SIM1: variants seen among roughly 807,000 people sequenced by gnomAD.
SIM1 encodes SIM bHLH transcription factor 1.
SIM1 carries 18 observed loss-of-function variants against 78.2 expected under a neutral mutation model. That is an observed-to-expected ratio of 0.23 (90% confidence interval 0.16 to 0.34). The LOEUF (loss-of-function observed/expected upper bound fraction) is 0.34. Ranked by LOEUF, SIM1 falls within the 10% of genes least tolerant of loss-of-function variation. The pLI, the probability that SIM1 is intolerant of heterozygous loss-of-function variation, is 1.00. For missense variants in SIM1, 939 were observed against 975.1 expected (o/e 0.96, Z 0.49); for synonymous variants, 417 against 385.2 (o/e 1.08, Z -0.97).
rs558338438 is a variant in SIM1, at chr6:100,435,721, G to A, written c.998+11547C>T. On this transcript the variant is annotated intron_variant, in intron 9 of 11. Transcript: ENST00000369208. ...TTTCAAAATGTAATACATCTGCAAA[G>A]ACTATTTTGAATCTAGAATTCTTTA... 2.6e-5 allele frequency among the ~76,000 whole-genome samples: 4 copies of A among 152,052 alleles called. No homozygotes were observed. In the South Asian group the frequency reaches 8.3e-4, roughly 32 times the overall value.
In SIM1 at chr6:100,431,766, T is replaced by A. The variant is rs866727667; in HGVS notation, c.999-10808A>T. On this transcript the variant is annotated intron_variant, in intron 9 of 11. Transcript: ENST00000369208. Reference sequence around the variant, plus strand: ...ATTTATAGGGCTTGAGAAAGTTCCCTGGCCATGACGAAGATGTCTCAATAG... The same window carrying A: ...ATTTATAGGGCTTGAGAAAGTTCCCAGGCCATGACGAAGATGTCTCAATAG... 2.6e-5 allele frequency among the ~76,000 whole-genome samples: 4 copies of A among 152,184 alleles called. No individual in the cohort carries two copies. The South Asian group carries it at 6.2e-4, about 24-fold the overall frequency.
chr6:100,430,062 T>G (rs1418739532), intron 9 of SIM1, among the ~76,000 whole-genome samples: 4 of 152,266 alleles, frequency 2.6e-5, no homozygotes, highest in African/African-American at 9.6e-5. Flanking sequence ...TAATTTAAAT[T>G]ATTACCATAA....
At chr6:100,425,180 C>G (rs1771694150) in intron 9 of SIM1, among the ~76,000 whole-genome samples, 1 of 152,196 alleles carries the variant, frequency 6.6e-6, no homozygotes, top group South Asian at 2.1e-4. Flanking sequence ...CACTGCCATA[C>G]AAGAAGTTCC....
At chr6:100,412,226 T>A in intron 10 of SIM1, among the ~76,000 whole-genome samples, 1 of 151,934 alleles carries the variant, frequency 6.6e-6, no homozygotes, top group East Asian at 1.9e-4. Context: ...GAAGATCAAA[T>A]GGGTGAAAGC....
chr6:100,440,042 G>A (rs757112321), intron 9 of SIM1, among the ~76,000 whole-genome samples: 15 of 152,186 alleles, frequency 9.9e-5, no homozygotes, highest in Non-Finnish European at 1.9e-4. Context: ...AGAAAGTCAA[G>A]TTAAGGAGAA....
Position 100,402,080 on chromosome 6 carries a change from A to G in SIM1, c.1168-8191T>C, listed in dbSNP as rs181776145. 2.6e-5 allele frequency among the ~76,000 whole-genome samples: 4 copies of G among 152,330 alleles called. No homozygotes were observed. The East Asian group carries it at 7.7e-4, about 29-fold the overall frequency. On this transcript the variant is annotated intron_variant, in intron 10 of 11. Transcript: ENST00000369208. ...CTTATAGGATTGCAGTAAGAATCAA[A>G]TAAATAATATGTATAACAGCACTAA...
intron 8 of SIM1, among the ~76,000 whole-genome samples, chr6:100,447,668 A>T (rs1001425270): frequency 6.6e-6 from 1 of 152,220 alleles, no homozygotes. Context: ...AAAGGGAGGA[A>T]CACTTAGAGT....
At chr6:100,394,637 T>G (rs1269095734) in intron 10 of SIM1, among the ~76,000 whole-genome samples, 1 of 152,100 alleles carries the variant, frequency 6.6e-6, no homozygotes, top group East Asian at 1.9e-4. Context: ...ACTCTGGAGT[T>G]CAAGCAATTC....
Position 100,413,067 on chromosome 6 carries a change from C to T in SIM1, c.1167+7723G>A, listed in dbSNP as rs140365988. Among the ~76,000 whole-genome samples the T allele has an allele frequency of 2.6e-3, 401 of 152,332 alleles. 1 individual carries two copies. Among genetic ancestry groups the T allele is most frequent in the African/African-American group, 9.2e-3 (381 of 41,578 alleles). ...CATTGCTGGAAGGGCAGGTCAACTC[C>T]CAACACATACCACCACCACCACAGA... is the stretch of plus-strand genomic sequence containing the variant. On this transcript the variant is annotated intron_variant, in intron 10 of 11. Coordinates refer to ENST00000369208, the MANE Select transcript of SIM1 (RefSeq NM_005068.3).
At chr6:100,418,150 A>G (rs241810) in intron 10 of SIM1, among the ~76,000 whole-genome samples, 134,158 of 151,992 alleles carry the variant, frequency 0.88, 59,293 homozygotes, top group African/African-American at 0.92. Context: ...GACCAGCCTG[A>G]GCAACAAAGT....
chr6:100,457,635 G>GA (rs143892488), intron 2 of SIM1, among the ~76,000 whole-genome samples: 1 of 152,288 alleles, frequency 6.6e-6, no homozygotes, highest in East Asian at 1.9e-4. Context: ...GCTCTTTAGA[G>GA]AAAAAAAGAG....
chr6:100,418,172 G>A (rs1771454650), intron 10 of SIM1, among the ~76,000 whole-genome samples: 1 of 151,788 alleles, frequency 6.6e-6, no homozygotes, highest in Non-Finnish European at 1.5e-5. Context: ...AGACTCCCAT[G>A]TCTACAAAAA....
chr6:100,462,978 A>G (rs920514452), intron 2 of SIM1: 1 of 253,904 alleles, frequency 3.9e-6, no homozygotes, highest in Non-Finnish European at 7.5e-6. Flanking sequence ...AAAGAAAGTC[A>G]TGTTTGGATT....
chr6:100,424,062 C>T (rs1300171111), intron 9 of SIM1, among the ~76,000 whole-genome samples: 3 of 130,254 alleles, frequency 2.3e-5, no homozygotes, highest in African/African-American at 8.4e-5. Context: ...TCAGACCCCA[C>T]CCCCCTCCCA....
At position 100,389,940 on chromosome 6, in the gene SIM1, G is replaced by GT; in HGVS notation, c.*420dup. ...TCAAAGAAAATTACCCATTTTTGATGTATTTACATTACATAGCCTATATTT... is the reference window on the plus strand; with the variant it reads ...TCAAAGAAAATTACCCATTTTTGATGTTATTTACATTACATAGCCTATATTT... On this transcript the variant is annotated 3_prime_UTR_variant, in exon 12 of 12. Transcript: ENST00000369208. The GT allele has an allele frequency of 2.6e-6, 1 of 391,368 alleles. No individual in the cohort carries two copies. The highest frequency in any genetic ancestry group is 3.6e-5 in the East Asian group (1 of 27,530). 24.2% of individuals were successfully genotyped at this position (391,368 alleles called of 1,614,324 possible).
intron 10 of SIM1, among the ~76,000 whole-genome samples, chr6:100,395,655 C>T (rs759700502): frequency 1.1e-4 from 16 of 152,156 alleles, no homozygotes; most frequent in Non-Finnish European, 2.1e-4. Flanking sequence ...TCCTAGGCTC[C>T]ACTGCTGTTC....
intron 10 of SIM1, among the ~76,000 whole-genome samples, chr6:100,420,031 G>A (rs377237582): frequency 2.5e-4 from 38 of 152,308 alleles, no homozygotes; most frequent in African/African-American, 8.4e-4. Context: ...TAAAAGAGAA[G>A]GTTGGAGGTG....
chr6:100,422,730 G>A (rs373468356), intron 9 of SIM1, among the ~76,000 whole-genome samples: 1 of 151,954 alleles, frequency 6.6e-6, no homozygotes, highest in African/African-American at 2.4e-5. Flanking sequence ...AATATATGAG[G>A]TAATGCACAT....
At chr6:100,391,208 T>C (rs969597545) in intron 11 of SIM1, 117 bp from the exon 12 acceptor site, 8 of 1,112,796 alleles carry the variant, frequency 7.2e-6, no homozygotes, top group Non-Finnish European at 8.6e-6. Flanking sequence ...TATGCACCAA[T>C]ATTTGAAACA....
Sources: gnomAD v4.1 joint callset for allele counts (sites outside exome capture counted in the v4.1 genomes callset) on GRCh38, gnomAD v4.1.1 for gene constraint, MANE v1.5 for transcripts, NCBI Gene and HGNC (gene_info 2026-07-23, HGNC 2026-07-21) for gene names.